The following SLC9C1 variants were observed in gnomAD, a reference collection of about 807,000 sequenced individuals.
SLC9C1 encodes the protein sodium/hydrogen exchanger 10.
SLC9C1 carries 97 observed loss-of-function variants against 140.9 expected under a neutral mutation model. The ratio of observed to expected loss-of-function variants is 0.69; its 90% CI spans 0.58 to 0.82. SLC9C1 has a LOEUF of 0.82. Ranked by LOEUF, SLC9C1 falls within the 40% of genes least tolerant of loss-of-function variation. SLC9C1 has a pLI of 0.00. For synonymous variants in SLC9C1, 440 were observed against 442.6 expected, an observed-to-expected ratio of 0.99 and a Z score of 0.07; for missense variants, 1,340 against 1,389.3, an observed-to-expected ratio of 0.96 and a Z score of 0.56.
At chr3:112,207,311 G>C (rs572195878) in intron 16 of SLC9C1, among the ~76,000 whole-genome samples, 71 of 152,264 alleles carry the variant, frequency 4.7e-4, no homozygotes, top group African/African-American at 1.6e-3. Flanking sequence ...TTTTCAATAT[G>C]CTGCTTGTAA....
intron 14 of SLC9C1, among the ~76,000 whole-genome samples, 157 bp from the exon 15 acceptor site, chr3:112,217,718 T>C (rs1353466873): frequency 2.0e-5 from 3 of 152,178 alleles, no homozygotes; most frequent in Non-Finnish European, 2.9e-5. Context: ...TTCATGGGCG[T>C]GGTTCATGAA....
intron 27 of SLC9C1, among the ~76,000 whole-genome samples, chr3:112,154,329 G>A (rs2075068305): frequency 6.6e-6 from 1 of 152,116 alleles, no homozygotes; most frequent in Admixed American, 6.6e-5. Flanking sequence ...GACACAGGTA[G>A]GATGATGTAG....
intron 13 of SLC9C1, among the ~76,000 whole-genome samples, chr3:112,229,216 T>A (rs532963750): frequency 6.6e-6 from 1 of 152,094 alleles, no homozygotes; most frequent in Non-Finnish European, 1.5e-5. Context: ...GGTTAACAGA[T>A]ACAAAGTTGC....
intron 23 of SLC9C1, among the ~76,000 whole-genome samples, chr3:112,172,936 T>G (rs536627002): frequency 1.3e-5 from 2 of 152,164 alleles, no homozygotes; most frequent in Middle Eastern, 3.2e-3. Context: ...TATTCTTAGA[T>G]TCAACTTGCT....
At chr3:112,230,589 T>C (rs1452662703) in intron 13 of SLC9C1, among the ~76,000 whole-genome samples, 1 of 152,174 alleles carries the variant, frequency 6.6e-6, no homozygotes, top group African/African-American at 2.4e-5. Flanking sequence ...CTGCTAAGAC[T>C]ACTGTTGAAG....
chr3:112,240,918 A>C (rs961407560), intron 11 of SLC9C1, among the ~76,000 whole-genome samples: 2 of 152,074 alleles, frequency 1.3e-5, no homozygotes, highest in African/African-American at 2.4e-5. Flanking sequence ...GGGATCTAAA[A>C]ATAAAAACAA....
intron 17 of SLC9C1, among the ~76,000 whole-genome samples, chr3:112,202,706 T>C (rs1371301937): frequency 6.6e-6 from 1 of 152,154 alleles, no homozygotes; most frequent in Non-Finnish European, 1.5e-5. Flanking sequence ...AACAATGCAA[T>C]TAATCTTCTG....
chr3:112,240,966 C>T (rs1275274561), intron 11 of SLC9C1, among the ~76,000 whole-genome samples: 1 of 146,360 alleles, frequency 6.8e-6, no homozygotes, highest in Non-Finnish European at 1.5e-5. Context: ...TGATGGTTAA[C>T]AGAGACTGAG....
intron 14 of SLC9C1, 32 bp from the exon 15 acceptor site, chr3:112,217,593 T>G (rs776306692): frequency 3.9e-6 from 6 of 1,539,630 alleles, no homozygotes; most frequent in Non-Finnish European, 8.7e-7. Flanking sequence ...TAAACATGCT[T>G]TAAACATTTT....
At chr3:112,216,969 T>G (rs1455500006) in intron 15 of SLC9C1, among the ~76,000 whole-genome samples, 1 of 152,054 alleles carries the variant, frequency 6.6e-6, no homozygotes, top group East Asian at 1.9e-4. Flanking sequence ...TGTCCATCAA[T>G]GATAGACTGG....
Position 112,155,055 on chromosome 3 carries a change from T to TTA in SLC9C1, c.3365-7_3365-6insTA. On this transcript the variant is annotated splice_polypyrimidine_tract_variant and splice_region_variant and intron_variant, in intron 26 of 28. Transcript: ENST00000305815. ...TTCCAATGTTCCAACTGAACCTGAT[T>TTA]AAAAAAAAAAAAAACAGTGTTAATT... 3 of 1,412,808 alleles carry TTA rather than the reference T, an allele frequency of 2.1e-6. No individual in the cohort carries two copies. The highest frequency in any genetic ancestry group is 2.9e-6 in the Non-Finnish European group (3 of 1,044,336). The allele number at this position is 1,412,808 out of a possible 1,614,324, so 87.5% of individuals were successfully genotyped here. A position where few individuals can be genotyped will look rare whatever the true frequency, so the allele number is the denominator to read the frequency against.
At chr3:112,189,297 C>A (rs1488115612) in intron 20 of SLC9C1, among the ~76,000 whole-genome samples, 1 of 152,160 alleles carries the variant, frequency 6.6e-6, no homozygotes, top group Non-Finnish European at 1.5e-5. Context: ...GTCATGAAGT[C>A]CTTGCCCATG....
intron 20 of SLC9C1, among the ~76,000 whole-genome samples, chr3:112,193,586 G>A (rs1412827783): frequency 6.6e-6 from 1 of 152,144 alleles, no homozygotes; most frequent in Non-Finnish European, 1.5e-5. Context: ...GGTAGCCCAT[G>A]GGGTTGTGTC....
At chr3:112,270,316 C>G (rs1202283766) in intron 6 of SLC9C1, among the ~76,000 whole-genome samples, 2 of 152,156 alleles carry the variant, frequency 1.3e-5, no homozygotes, top group Non-Finnish European at 2.9e-5. Flanking sequence ...GAGGAACTTC[C>G]ACACAGTTTT....
rs199992871 is a variant in SLC9C1 at position 112,163,714 on chromosome 3, G to A, written c.3364+3507C>T. ...CCAGTATGTGGTCAATTTTGGAATA[G>A]GTGTGGTGTGGTGCTGAAAAAAATG... On this transcript the variant is annotated intron_variant, in intron 26 of 28. Transcript: ENST00000305815. Among the ~76,000 whole-genome samples the A allele has an allele frequency of 2.0e-5, 3 of 152,142 alleles. No homozygotes were observed. In the South Asian group the frequency reaches 6.2e-4, roughly 32 times the overall value.
intron 11 of SLC9C1, among the ~76,000 whole-genome samples, chr3:112,243,359 T>G (rs2079188936): frequency 6.6e-6 from 1 of 152,216 alleles, no homozygotes; most frequent in Non-Finnish European, 1.5e-5. Flanking sequence ...TTATGCCCTT[T>G]GCCGCAACAT....
intron 16 of SLC9C1, among the ~76,000 whole-genome samples, chr3:112,207,239 T>A (rs2108059596): frequency 6.6e-6 from 1 of 152,336 alleles, no homozygotes; most frequent in East Asian, 1.9e-4. Context: ...AGATTTCAGC[T>A]TGGGAAATTG....
intron 15 of SLC9C1, among the ~76,000 whole-genome samples, chr3:112,215,826 G>C (rs1560078198): frequency 6.6e-6 from 1 of 152,138 alleles, no homozygotes; most frequent in South Asian, 2.1e-4. Flanking sequence ...AGCTACCAAT[G>C]ACTTTCTTCA....
intron 26 of SLC9C1, among the ~76,000 whole-genome samples, chr3:112,157,193 C>G (rs189162154): frequency 8.6e-5 from 13 of 151,842 alleles, no homozygotes; most frequent in Non-Finnish European, 1.5e-4. Flanking sequence ...TTGTTTTTTT[C>G]TATATGGTAA....
Sources: gnomAD v4.1 joint callset for allele counts (sites outside exome capture counted in the v4.1 genomes callset) on GRCh38, gnomAD v4.1.1 for gene constraint, MANE v1.5 for transcripts, NCBI Gene and HGNC (gene_info 2026-07-23, HGNC 2026-07-21) for gene names.